The following PPARD variants were observed in gnomAD, a reference collection of about 807,000 sequenced individuals.
PPARD encodes the protein peroxisome proliferator activated receptor delta.
In PPARD, 6 loss-of-function variants were observed where a neutral mutation model predicts 39.5. That is an observed-to-expected ratio of 0.15 (90% CI 0.08 to 0.30). The LOEUF is 0.30. Ranked by LOEUF, PPARD falls within the 10% of genes least tolerant of loss-of-function variation. The pLI, the probability that PPARD is intolerant of heterozygous loss-of-function variation, is 1.00. For missense variants in PPARD, 397 were observed against 596.8 expected (o/e 0.67, Z 3.49); for synonymous variants, 210 against 231.3 (o/e 0.91, Z 0.83).
intron 2 of PPARD, among the ~76,000 whole-genome samples, chr6:35,392,231 C>A (rs1237005465): frequency 6.6e-6 from 1 of 151,428 alleles, no homozygotes; most frequent in African/African-American, 2.4e-5. Context: ...TAACGCAGCA[C>A]GGAAGTATTT....
chr6:35,353,335 A>G (rs2150446191), intron 2 of PPARD, among the ~76,000 whole-genome samples: 1 of 152,322 alleles, frequency 6.6e-6, no homozygotes, highest in African/African-American at 2.4e-5. Context: ...TTCACATTAA[A>G]TCTGAGTTCC....
At position 35,412,780 on chromosome 6, in the gene PPARD, G is replaced by A. The variant is rs1220332610; in HGVS notation, c.130+1563G>A. 1.3e-5 allele frequency among the ~76,000 whole-genome samples: 2 copies of A among 152,198 alleles called. No homozygotes were observed. The highest frequency in any genetic ancestry group is 4.8e-5 in the African/African-American group (2 of 41,446). On this transcript the variant is annotated intron_variant, in intron 3 of 7. Coordinates refer to ENST00000360694, the MANE Select transcript of PPARD (RefSeq NM_006238.5). The surrounding 1 kb of genome is among the most constrained non-coding windows in gnomAD (Gnocchi z 4.1). ...AGTGAAGGTGTCCGCCATTCCCCGA[G>A]TAAGCAACTTCCTGTCTATTGGCTG...
chr6:35,375,024 C>T (rs1462736681), intron 2 of PPARD, among the ~76,000 whole-genome samples: 1 of 152,086 alleles, frequency 6.6e-6, no homozygotes, highest in Non-Finnish European at 1.5e-5. Context: ...ATCTCTTCAA[C>T]CTTTTTGTGT....
intron 2 of PPARD, among the ~76,000 whole-genome samples, chr6:35,405,661 C>T (rs930399182): frequency 6.6e-6 from 1 of 151,722 alleles, no homozygotes; most frequent in African/African-American, 2.4e-5. Flanking sequence ...GACAGAGTCT[C>T]CTCTGTCACC....
At chr6:35,367,955 A>G (rs1762292985) in intron 2 of PPARD, among the ~76,000 whole-genome samples, 1 of 152,194 alleles carries the variant, frequency 6.6e-6, no homozygotes, top group Non-Finnish European at 1.5e-5. Flanking sequence ...GTTTGTAGCC[A>G]TATTTAATCC....
intron 2 of PPARD, among the ~76,000 whole-genome samples, chr6:35,359,169 G>A (rs1453468136): frequency 1.3e-5 from 2 of 152,208 alleles, no homozygotes; most frequent in Non-Finnish European, 2.9e-5. Context: ...CAGCGTGGCT[G>A]GACAGAGGGA....
intron 3 of PPARD, among the ~76,000 whole-genome samples, chr6:35,419,677 C>G (rs1766011790): frequency 6.6e-6 from 1 of 152,226 alleles, no homozygotes; most frequent in Non-Finnish European, 1.5e-5. Flanking sequence ...CCTGCAGTTT[C>G]TGCAAAACAC....
At chr6:35,380,145 GGATGGATT>G (rs1218774974) in intron 2 of PPARD, among the ~76,000 whole-genome samples, 4 of 152,196 alleles carry the variant, frequency 2.6e-5, no homozygotes, top group Non-Finnish European at 5.9e-5. Context: ...AAGCATTTAT[GGATGGATT>G]GATGGATTGA....
At chr6:35,352,800 G>C (rs116553840) in intron 2 of PPARD, among the ~76,000 whole-genome samples, 1,661 of 152,308 alleles carry the variant, frequency 0.011, 39 homozygotes, top group African/African-American at 0.037. Flanking sequence ...CATAGCATGA[G>C]AGCTGGGTTC....
chr6:35,359,968 C>G (rs1391307219), intron 2 of PPARD, among the ~76,000 whole-genome samples: 1 of 152,130 alleles, frequency 6.6e-6, no homozygotes, highest in Admixed American at 6.5e-5. Flanking sequence ...CTGGCTGGAT[C>G]TAGTTGTTCC....
chr6:35,407,689 A>T (rs1348693324), intron 2 of PPARD, among the ~76,000 whole-genome samples: 1 of 150,744 alleles, frequency 6.6e-6, no homozygotes, highest in Non-Finnish European at 1.5e-5. Context: ...AATAAATAAA[A>T]TAAAATAAAA....
At chr6:35,384,021 C>T (rs1763362272) in intron 2 of PPARD, among the ~76,000 whole-genome samples, 1 of 149,008 alleles carries the variant, frequency 6.7e-6, no homozygotes, top group African/African-American at 2.5e-5. Context: ...GCCAGCCGCC[C>T]CGTCAGGGAG....
rs943101997 is a variant in PPARD at position 35,363,257 on chromosome 6, A to C, written c.-102+16107A>C. 3.9e-5 allele frequency among the ~76,000 whole-genome samples: 6 copies of C among 152,132 alleles called. No homozygotes were observed. Among genetic ancestry groups the C allele is most frequent in the Non-Finnish European group, 8.8e-5 (6 of 68,026 alleles). ...TCTTTTCTGGGCCACTTTGGCCTGC[A>C]CACAGGTTGGGCTAGGAATTCATGC... is the stretch of plus-strand genomic sequence containing the variant. On this transcript the variant is annotated intron_variant, in intron 2 of 7. Transcript: ENST00000360694. This position sits in a 1 kb window ranked among gnomAD's most constrained non-coding sequence, Gnocchi z 4.5.
chr6:35,385,540 T>C (rs1402451299), intron 2 of PPARD, among the ~76,000 whole-genome samples: 1 of 146,364 alleles, frequency 6.8e-6, no homozygotes, highest in East Asian at 2.0e-4. Context: ...GAGACCTTTG[T>C]TCACTTGTTT....
intron 2 of PPARD, among the ~76,000 whole-genome samples, chr6:35,391,876 A>G (rs1764021322): frequency 6.6e-6 from 1 of 151,738 alleles, no homozygotes; most frequent in Non-Finnish European, 1.5e-5. Context: ...TGACAGAGCT[A>G]GGATTCAAAC....
At position 35,422,854 on chromosome 6, in the gene PPARD, G is replaced by A. The variant is rs141964480; in HGVS notation, c.424+896G>A. On this transcript the variant is annotated intron_variant, in intron 5 of 7. Transcript: ENST00000360694. ...AACAATTTTTGAGTGCTTACTATGTGAGGATTCTTATTTAATTGATCTAAT... is the reference window on the plus strand; with the variant it reads ...AACAATTTTTGAGTGCTTACTATGTAAGGATTCTTATTTAATTGATCTAAT... 6.6e-3 allele frequency among the ~76,000 whole-genome samples: 1,010 copies of A among 152,172 alleles called. 10 individuals are homozygous for A. The highest frequency in any genetic ancestry group is 0.011 in the Non-Finnish European group (741 of 68,010).
At chr6:35,403,607 G>A (rs545762606) in intron 2 of PPARD, among the ~76,000 whole-genome samples, 1 of 152,316 alleles carries the variant, frequency 6.6e-6, no homozygotes, top group African/African-American at 2.4e-5. Context: ...CGTGCCAGGT[G>A]CTGGGACCTA....
chr6:35,354,978 CT>C (rs1428283000), intron 2 of PPARD, among the ~76,000 whole-genome samples: 7 of 152,152 alleles, frequency 4.6e-5, no homozygotes, highest in African/African-American at 1.7e-4. Context: ...ATTTTCTTCC[CT>C]GTGAGGATTA....
At chr6:35,391,345 C>T (rs761669470) in intron 2 of PPARD, among the ~76,000 whole-genome samples, 1 of 152,216 alleles carries the variant, frequency 6.6e-6, no homozygotes, top group Non-Finnish European at 1.5e-5. Context: ...CAGTTGCTAA[C>T]AGTTTGGCGC....
Sources: allele counts gnomAD v4.1 joint callset (sites outside exome capture counted in the v4.1 genomes callset), GRCh38; gene constraint gnomAD v4.1.1; non-coding constraint Gnocchi (gnomAD v3.1); transcripts MANE v1.5; gene names NCBI Gene and HGNC (gene_info 2026-07-23, HGNC 2026-07-21).